The following GNB1 variants were observed in gnomAD, a reference collection of about 807,000 sequenced individuals.
The protein encoded by GNB1 is guanine nucleotide-binding protein G(I)/G(S)/G(T) subunit beta-1.
Under a neutral mutation model 42.9 loss-of-function variants are expected in GNB1, and 2 were observed. The ratio of observed to expected loss-of-function variants is 0.05; its 90% CI spans 0.02 to 0.15. GNB1 has a LOEUF of 0.15. Among genes scored for constraint, GNB1 ranks in the 10% least tolerant of loss-of-function variants. The pLI, the probability that GNB1 is intolerant of heterozygous loss-of-function variation, is 1.00. For missense variants in GNB1, 193 were observed against 462.2 expected, an observed-to-expected ratio of 0.42 and a Z score of 5.34; for synonymous variants, 183 against 174.7, an observed-to-expected ratio of 1.05 and a Z score of -0.38.
At chr1:1,871,676 C>T (rs917926233) in intron 1 of GNB1, among the ~76,000 whole-genome samples, 5 of 152,316 alleles carry the variant, frequency 3.3e-5, no homozygotes, top group African/African-American at 4.8e-5. Context: ...CACTTAGTTG[C>T]CCTATACCCA....
At chr1:1,829,509 C>T (rs1265810013) in intron 2 of GNB1, among the ~76,000 whole-genome samples, 1 of 152,116 alleles carries the variant, frequency 6.6e-6, no homozygotes, top group African/African-American at 2.4e-5. Context: ...GCAGGAGAGA[C>T]GAGAAAACGT....
chr1:1,842,635 A>C (rs1647291429), intron 1 of GNB1, among the ~76,000 whole-genome samples: 1 of 152,190 alleles, frequency 6.6e-6, no homozygotes, highest in South Asian at 2.1e-4. Context: ...GTGCATGCAC[A>C]TGTGTGTGCA....
At chr1:1,870,006 G>A (rs1389885314) in intron 1 of GNB1, among the ~76,000 whole-genome samples, 2 of 151,968 alleles carry the variant, frequency 1.3e-5, no homozygotes, top group African/African-American at 4.8e-5. Context: ...GGGATTATAG[G>A]CACCCGCCAC....
At chr1:1,887,994 ATC>A (rs1414050992) in intron 1 of GNB1, among the ~76,000 whole-genome samples, 5 of 152,226 alleles carry the variant, frequency 3.3e-5, no homozygotes, top group South Asian at 2.1e-4. Context: ...TTAAAATTAA[ATC>A]TGAGAAAATT....
At chr1:1,864,550 T>C (rs546027704) in intron 1 of GNB1, among the ~76,000 whole-genome samples, 1 of 152,088 alleles carries the variant, frequency 6.6e-6, no homozygotes, top group African/African-American at 2.4e-5. Flanking sequence ...GTTAACTTCA[T>C]GTAGCCAATT....
At chr1:1,859,314 G>A (rs188617594) in intron 1 of GNB1, among the ~76,000 whole-genome samples, 3 of 143,198 alleles carry the variant, frequency 2.1e-5, no homozygotes, top group South Asian at 2.6e-4. Context: ...GAGCCACCAC[G>A]CCCCGACGGG....
At position 1,787,175 on chromosome 1, in the gene GNB1, C is replaced by T. The variant is rs1327359975; in HGVS notation, c.*10-122G>A. ...GTCTGCAGCTGAGGGCACGTGACTT[C>T]AGCTTTCTGTAAACGTTTCCCACAA... On this transcript the variant is annotated intron_variant, in intron 11 of 11. Transcript: ENST00000378609. The surrounding 1 kb of genome is among the most constrained non-coding windows in gnomAD (Gnocchi z 4.4). 1.0e-5 allele frequency: 6 copies of T among 586,688 alleles called. No individual in the cohort carries two copies. Among genetic ancestry groups the T allele is most frequent in the Admixed American group, 9.2e-5 (3 of 32,584 alleles). 36.3% of individuals were successfully genotyped at this position (586,688 alleles called of 1,614,324 possible). A position where few individuals can be genotyped will look rare whatever the true frequency, so the allele number is the denominator to read the frequency against.
chr1:1,887,179 G>C (rs1650202458), intron 1 of GNB1, among the ~76,000 whole-genome samples: 2 of 152,194 alleles, frequency 1.3e-5, no homozygotes, highest in Non-Finnish European at 2.9e-5. Context: ...CAGACAGTAA[G>C]AATGTAATCC....
chr1:1,853,686 A>C (rs898956227), intron 1 of GNB1, among the ~76,000 whole-genome samples: 1 of 152,188 alleles, frequency 6.6e-6, no homozygotes, highest in Non-Finnish European at 1.5e-5. Flanking sequence ...GAGAACTGGA[A>C]ACAGGAATAA....
In GNB1 at chr1:1,789,139, G is replaced by A; in HGVS notation, c.830C>T (p.Ser277Phe). 1 of 1,614,184 alleles carries A rather than the reference G, an allele frequency of 6.2e-7. No homozygotes were observed. ...GAGGAGGCGCCCGCTCTTGGAGAAG[G>A]AGACAGAGGTGATCCCGCAGATGAT... ...DNIICGITSV[S>F]FSKSGRLLLA... is the part of the protein sequence containing the mutation. The change falls in exon 10 of 12, where the codon TCC becomes TTC. Residue 277 changes from serine to phenylalanine, a missense_variant. This residue lies in a region of GNB1 where 150 missense variants were observed against 410.8 expected (regional missense o/e 0.37). Transcript: ENST00000378609.
intron 1 of GNB1, among the ~76,000 whole-genome samples, chr1:1,850,630 A>ATCC (rs1419496103): frequency 6.6e-6 from 1 of 151,924 alleles, no homozygotes; most frequent in Non-Finnish European, 1.5e-5. Flanking sequence ...GAAATTCTCG[A>ATCC]TCTTTTCACA....
intron 2 of GNB1, among the ~76,000 whole-genome samples, chr1:1,833,918 G>C (rs1647110337): frequency 6.6e-6 from 1 of 152,044 alleles, no homozygotes; most frequent in African/African-American, 2.4e-5. Context: ...TAGAAGACAG[G>C]GAAACATGTT....
chr1:1,865,835 T>A (rs2101709043), intron 1 of GNB1, among the ~76,000 whole-genome samples: 1 of 152,310 alleles, frequency 6.6e-6, no homozygotes, highest in East Asian at 1.9e-4. Flanking sequence ...AAATAACTCC[T>A]TTTTTCTGTC....
At chr1:1,868,265 T>C (rs1649052704) in intron 1 of GNB1, among the ~76,000 whole-genome samples, 1 of 152,100 alleles carries the variant, frequency 6.6e-6, no homozygotes. Context: ...AACCTCTGCC[T>C]CCCGGGTTCG....
intron 1 of GNB1, among the ~76,000 whole-genome samples, chr1:1,883,174 A>G (rs1226577553): frequency 2.0e-5 from 3 of 150,662 alleles, no homozygotes; most frequent in Non-Finnish European, 4.4e-5. Flanking sequence ...TGTGAGACTG[A>G]GAGAAGAAGA....
At chr1:1,865,671 G>A (rs1285369206) in intron 1 of GNB1, among the ~76,000 whole-genome samples, 2 of 152,180 alleles carry the variant, frequency 1.3e-5, no homozygotes, top group Non-Finnish European at 2.9e-5. Context: ...CAAGAAACAT[G>A]ACTACAAGGT....
chr1:1,827,644 T>C (rs1393642074), intron 2 of GNB1, among the ~76,000 whole-genome samples: 2 of 152,220 alleles, frequency 1.3e-5, no homozygotes, highest in East Asian at 3.8e-4. Context: ...ATGAGCAGTG[T>C]CTCAGATGGA....
chr1:1,882,449 A>AAAG (rs1557953024), intron 1 of GNB1, among the ~76,000 whole-genome samples: 6 of 140,976 alleles, frequency 4.3e-5, no homozygotes, highest in Middle Eastern at 4.1e-3. Flanking sequence ...AAAAAAAAAA[A>AAAG]AGAGAGAAGG....
chr1:1,842,333 G>A (rs10907190), intron 1 of GNB1, among the ~76,000 whole-genome samples: 39,020 of 151,826 alleles, frequency 0.26, 5,219 homozygotes, highest in African/African-American at 0.29. Context: ...TGGAGGCTGA[G>A]GCAGGAGAAT....
Sources: gnomAD v4.1 joint callset for allele counts (sites outside exome capture counted in the v4.1 genomes callset) on GRCh38, gnomAD v4.1.1 for gene constraint, gnomAD v4.1.1 regional missense constraint, Gnocchi (gnomAD v3.1) non-coding constraint, MANE v1.5 for transcripts, NCBI Gene and HGNC (gene_info 2026-07-23, HGNC 2026-07-21) for gene names.